The following ACACA variants were observed in gnomAD, a reference collection of about 807,000 sequenced individuals.
The protein encoded by ACACA is acetyl-CoA carboxylase alpha.
ACACA carries 103 observed loss-of-function variants against 296.1 expected under a neutral mutation model. The observed-to-expected ratio is 0.35, with a 90% CI of 0.30 to 0.41. The LOEUF (loss-of-function observed/expected upper bound fraction) is 0.41, where lower values mean the gene tolerates loss of function less well. Among genes scored for constraint, ACACA ranks in the 10% least tolerant of loss-of-function variants. The probability of loss-of-function intolerance (pLI) is 1.00; values close to 1 mark genes in which losing one functional copy is unlikely to be tolerated. For synonymous variants in ACACA, 953 were observed against 1,038.6 expected (o/e 0.92, Z 1.58); for missense variants, 1,554 against 2,989.7 (o/e 0.52, Z 11.20).
At chr17:37,233,959 T>G (rs1404609866) in intron 25 of ACACA, among the ~76,000 whole-genome samples, 1 of 152,232 alleles carries the variant, frequency 6.6e-6, no homozygotes, top group African/African-American at 2.4e-5. Context: ...TGATACGCTT[T>G]AGAGTTAACC....
intron 45 of ACACA, among the ~76,000 whole-genome samples, chr17:37,147,414 C>A (rs2075858707): frequency 6.6e-6 from 1 of 151,966 alleles, no homozygotes; most frequent in African/African-American, 2.4e-5. Flanking sequence ...TTGCACACAC[C>A]CAAAGTACAC....
At chr17:37,250,015 T>A (rs989646116) in intron 16 of ACACA, among the ~76,000 whole-genome samples, 3 of 152,238 alleles carry the variant, frequency 2.0e-5, no homozygotes, top group Non-Finnish European at 2.9e-5. Flanking sequence ...ACGAAAGATG[T>A]GTCTTTGCTC....
chr17:37,392,290 G>A (rs1482700509), intron 1 of ACACA: 3 of 152,998 alleles, frequency 2.0e-5, no homozygotes, highest in African/African-American at 7.2e-5. Flanking sequence ...AAGGGGTTCA[G>A]GGACTACAGA....
In ACACA at chr17:37,308,893, C is replaced by T. The variant is rs78495439; in HGVS notation, c.338+21280G>A. Among the ~76,000 whole-genome samples, 140 of 152,166 alleles carry T rather than the reference C, an allele frequency of 9.2e-4. 1 individual carries two copies. The highest frequency in any genetic ancestry group is 3.3e-3 in the African/African-American group (137 of 41,532). On this transcript the variant is annotated intron_variant, in intron 3 of 55. Transcript: ENST00000616317. Reference sequence around the variant, plus strand: ...CGGAGGTTGCAGTGAGCCAAGATTGCGCTACTGCCCTCAAATAAAATAAAA... The same window carrying T: ...CGGAGGTTGCAGTGAGCCAAGATTGTGCTACTGCCCTCAAATAAAATAAAA...
chr17:37,206,145 T>C (rs567758742), intron 32 of ACACA, among the ~76,000 whole-genome samples: 1 of 152,016 alleles, frequency 6.6e-6, no homozygotes, highest in South Asian at 2.1e-4. Flanking sequence ...TGAAGATCAC[T>C]ATGTCTCACC....
chr17:37,279,069 A>T (rs550376738), intron 5 of ACACA, among the ~76,000 whole-genome samples: 146 of 152,030 alleles, frequency 9.6e-4, no homozygotes, highest in Non-Finnish European at 1.6e-3. Context: ...AACATATTTT[A>T]AAAAAAACCT....
intron 52 of ACACA, 121 bp from the exon 53 acceptor site, chr17:37,098,105 C>T (rs2073102151): frequency 1.6e-6 from 2 of 1,244,914 alleles, no homozygotes; most frequent in East Asian, 4.6e-5. Context: ...TGTGGCCTGG[C>T]TCTCCGTTGT....
chr17:37,203,672 G>T (rs1391197288), intron 33 of ACACA, among the ~76,000 whole-genome samples: 1 of 152,108 alleles, frequency 6.6e-6, no homozygotes, highest in Non-Finnish European at 1.5e-5. Context: ...GAACCCAGGA[G>T]GCGGGGGTTG....
At chr17:37,234,947 T>C (rs1348463512) in intron 25 of ACACA, 28 bp downstream of exon 25, 1 of 1,613,532 alleles carries the variant, frequency 6.2e-7, no homozygotes, top group Admixed American at 1.7e-5. Flanking sequence ...ATTGACGGTC[T>C]TTACAAGTTC....
rs1212432942 is a variant in ACACA at position 37,155,555 on chromosome 17, C to T, written c.5447+128G>A. 6 of 731,590 alleles carry T rather than the reference C, an allele frequency of 8.2e-6. No individual in the cohort carries two copies. The African/African-American group carries it at 1.0e-4, about 13-fold the overall frequency. 45.3% of individuals were successfully genotyped at this position (731,590 alleles called of 1,614,324 possible). On this transcript the variant is annotated intron_variant, in intron 43 of 55. Coordinates refer to ENST00000616317, the MANE Select transcript of ACACA (RefSeq NM_198834.3). Reference sequence around the variant, plus strand: ...ATAAGTGGTAGAGCTGGATGTAAACCTAAAACATCTAGATTATGTCATCTT... The same window carrying T: ...ATAAGTGGTAGAGCTGGATGTAAACTTAAAACATCTAGATTATGTCATCTT...
chr17:37,376,172 TC>T, intron 1 of ACACA: 1 of 1,593,570 alleles, frequency 6.3e-7, no homozygotes, highest in South Asian at 1.1e-5. Flanking sequence ...TCTAGCCTAA[TC>T]TCCTGGAAAA....
In ACACA at chr17:37,240,470, G is replaced by T. The variant is rs764176858; in HGVS notation, c.3121+6C>A. 2 of 1,612,836 alleles carry T rather than the reference G, an allele frequency of 1.2e-6. No homozygotes were observed. Reference sequence around the variant, plus strand: ...TTAGCTAGAGAGTCCTCAGGAAGAGGCTTACCATTCTGGAATTGTGTCTCT... The same window carrying T: ...TTAGCTAGAGAGTCCTCAGGAAGAGTCTTACCATTCTGGAATTGTGTCTCT... On this transcript the variant is annotated splice_donor_region_variant and intron_variant, in intron 24 of 55. Transcript: ENST00000616317.
intron 5 of ACACA, 30 bp from the exon 6 acceptor site, chr17:37,278,035 A>G (rs752737225): frequency 3.2e-6 from 5 of 1,549,958 alleles, no homozygotes; most frequent in Non-Finnish European, 4.5e-6. Context: ...AATAGAGAAC[A>G]CATGATTTTT....
At chr17:37,099,120 A>G (rs1250449277) in intron 52 of ACACA, among the ~76,000 whole-genome samples, 1 of 152,186 alleles carries the variant, frequency 6.6e-6, no homozygotes, top group African/African-American at 2.4e-5. Flanking sequence ...CTTGTTTTTT[A>G]CACCACAATG....
chr17:37,340,136 T>C lies in ACACA; in HGVS notation c.39-286A>G, dbSNP rs541032683. Reference sequence around the variant, plus strand: ...TCCAATTGTATACTCGATGAATACATTTCAAAATTTTCATTTCTAATATTT... The same window carrying C: ...TCCAATTGTATACTCGATGAATACACTTCAAAATTTTCATTTCTAATATTT... On this transcript the variant is annotated intron_variant, in intron 1 of 55. Coordinates refer to ENST00000616317, the MANE Select transcript of ACACA (RefSeq NM_198834.3). 1.1e-4 allele frequency among the ~76,000 whole-genome samples: 16 copies of C among 152,330 alleles called. No individual in the cohort carries two copies. In the South Asian group the frequency reaches 3.3e-3, roughly 32 times the overall value.
intron 3 of ACACA, among the ~76,000 whole-genome samples, chr17:37,286,408 A>C (rs1270039205): frequency 6.6e-6 from 1 of 152,118 alleles, no homozygotes; most frequent in Non-Finnish European, 1.5e-5. Context: ...CTGGTTATTT[A>C]CCTATTGTCT....
intron 1 of ACACA, chr17:37,365,809 A>C (rs918230030): frequency 4.6e-6 from 4 of 877,476 alleles, no homozygotes; most frequent in Non-Finnish European, 5.5e-6. Flanking sequence ...GAGACTCCCC[A>C]CGATGTTTTC....
intron 3 of ACACA, among the ~76,000 whole-genome samples, chr17:37,315,093 G>C (rs2047027681): frequency 6.6e-6 from 1 of 151,718 alleles, no homozygotes; most frequent in African/African-American, 2.4e-5. Context: ...CGAGTAGCTG[G>C]GATTACAAGA....
At chr17:37,342,251 T>C (rs920895975) in intron 1 of ACACA, among the ~76,000 whole-genome samples, 3 of 150,554 alleles carry the variant, frequency 2.0e-5, no homozygotes, top group African/African-American at 7.3e-5. Context: ...CTACTAAAAC[T>C]ACAAAAATTA....
Sources: allele counts gnomAD v4.1 joint callset (sites outside exome capture counted in the v4.1 genomes callset), GRCh38; gene constraint gnomAD v4.1.1; transcripts MANE v1.5; gene names NCBI Gene and HGNC (gene_info 2026-07-23, HGNC 2026-07-21).